STXBP5L: variants seen among roughly 807,000 people sequenced by gnomAD.
STXBP5L encodes the protein syntaxin-binding protein 5-like.
In STXBP5L, 65 loss-of-function variants were observed where a neutral mutation model predicts 144.5. That is an observed-to-expected ratio of 0.45 (90% CI 0.37 to 0.55). The LOEUF is 0.55. STXBP5L is among the 20% of genes least tolerant of loss of function. The pLI, the probability that STXBP5L is intolerant of heterozygous loss-of-function variation, is 0.00. For synonymous variants in STXBP5L, 505 were observed against 469.6 expected, an observed-to-expected ratio of 1.08 and a Z score of -0.97; for missense variants, 1,298 against 1,405.5, an observed-to-expected ratio of 0.92 and a Z score of 1.22.
chr3:121,102,097 T>C (rs183566949), intron 5 of STXBP5L, among the ~76,000 whole-genome samples: 4 of 152,212 alleles, frequency 2.6e-5, no homozygotes, highest in African/African-American at 2.4e-5. Context: ...TTCATGCTTA[T>C]GGATTGGAAG....
chr3:121,133,822 G>C (rs941261830), intron 7 of STXBP5L, among the ~76,000 whole-genome samples: 1 of 152,144 alleles, frequency 6.6e-6, no homozygotes, highest in Admixed American at 6.6e-5. Flanking sequence ...AGGAAGCAAG[G>C]CATGTCTTAC....
intron 20 of STXBP5L, among the ~76,000 whole-genome samples, chr3:121,335,995 G>A (rs1347398902): frequency 6.6e-6 from 1 of 152,058 alleles, no homozygotes; most frequent in East Asian, 1.9e-4. Context: ...CTACAGAATG[G>A]GAGAAAATAT....
intron 16 of STXBP5L, among the ~76,000 whole-genome samples, chr3:121,256,201 G>A (rs962415861): frequency 1.3e-5 from 2 of 151,976 alleles, no homozygotes; most frequent in Admixed American, 6.6e-5. Flanking sequence ...ATTATATAAA[G>A]ACATTATAAT....
intron 3 of STXBP5L, among the ~76,000 whole-genome samples, chr3:121,008,662 C>G (rs1235861803): frequency 2.0e-5 from 3 of 151,996 alleles, no homozygotes; most frequent in Non-Finnish European, 4.4e-5. Flanking sequence ...CCAGCACACT[C>G]TTAGGCTGCT....
intron 5 of STXBP5L, among the ~76,000 whole-genome samples, chr3:121,076,307 G>A (rs1214051015): frequency 6.6e-6 from 1 of 152,190 alleles, no homozygotes; most frequent in East Asian, 1.9e-4. Flanking sequence ...AGCTGGGGCA[G>A]CCTCCTGTCT....
At chr3:121,163,303 C>T (rs182733446) in intron 9 of STXBP5L, among the ~76,000 whole-genome samples, 120 of 152,182 alleles carry the variant, frequency 7.9e-4, no homozygotes, top group Non-Finnish European at 1.3e-3. Flanking sequence ...CCATCATTCT[C>T]AGCAAACTAA....
At chr3:121,171,358 G>A (rs1559820696) in intron 9 of STXBP5L, among the ~76,000 whole-genome samples, 1 of 152,112 alleles carries the variant, frequency 6.6e-6, no homozygotes, top group African/African-American at 2.4e-5. Context: ...TCTGGCCAGG[G>A]CAATCAGGCA....
At chr3:121,235,714 TA>T (rs1278318192) in intron 12 of STXBP5L, among the ~76,000 whole-genome samples, 1 of 152,082 alleles carries the variant, frequency 6.6e-6, no homozygotes, top group African/African-American at 2.4e-5. Context: ...GTCCCTTAAC[TA>T]GACATGAGTT....
chr3:121,360,713 C>T (rs940421055), intron 20 of STXBP5L, among the ~76,000 whole-genome samples: 5 of 152,048 alleles, frequency 3.3e-5, no homozygotes, highest in African/African-American at 7.2e-5. Context: ...TGCTTTTTAA[C>T]TTTTTGTTGT....
At chr3:121,267,598 G>T (rs1053831060) in intron 18 of STXBP5L, among the ~76,000 whole-genome samples, 9 of 152,102 alleles carry the variant, frequency 5.9e-5, no homozygotes, top group Admixed American at 1.3e-4. Context: ...CACAGCAAAA[G>T]AAACTATCAT....
chr3:121,082,824 G>A lies in STXBP5L; in HGVS notation c.471-32101G>A, dbSNP rs995178154. ...ACATTGATTGATTTTTGAATATTGA[G>A]CTAGCCATAAATTTCTGGAATAAGC... On this transcript the variant is annotated intron_variant, in intron 5 of 26. Transcript: ENST00000471454. Among the ~76,000 whole-genome samples the A allele has an allele frequency of 1.1e-4, 17 of 152,118 alleles. No homozygotes were observed. In the East Asian group the frequency reaches 2.9e-3, roughly 26 times the overall value.
At chr3:120,955,071 G>A in intron 3 of STXBP5L, 34 bp downstream of exon 3, 1 of 1,395,018 alleles carries the variant, frequency 7.2e-7, no homozygotes, top group Non-Finnish European at 1.0e-6. Context: ...ATCTGCCACA[G>A]TAATGCCAAT....
At chr3:121,060,674 T>C (rs2041224908) in intron 5 of STXBP5L, among the ~76,000 whole-genome samples, 1 of 152,248 alleles carries the variant, frequency 6.6e-6, no homozygotes, top group Non-Finnish European at 1.5e-5. Flanking sequence ...TATTCAGGGA[T>C]TCGACTTCTT....
intron 20 of STXBP5L, among the ~76,000 whole-genome samples, chr3:121,330,170 T>C (rs1447457051): frequency 6.6e-6 from 1 of 152,136 alleles, no homozygotes; most frequent in East Asian, 1.9e-4. Context: ...GCTTATGGCA[T>C]AGGGCATAAG....
intron 3 of STXBP5L, among the ~76,000 whole-genome samples, chr3:120,969,067 T>C (rs1939935620): frequency 6.6e-6 from 1 of 152,140 alleles, no homozygotes; most frequent in Non-Finnish European, 1.5e-5. Context: ...AGTAGTGGGA[T>C]TGCTAGATCA....
intron 3 of STXBP5L, among the ~76,000 whole-genome samples, chr3:121,015,900 A>G (rs1438595729): frequency 6.6e-6 from 1 of 152,166 alleles, no homozygotes; most frequent in African/African-American, 2.4e-5. Flanking sequence ...CATTATATCA[A>G]GACTGAGATT....
chr3:121,324,279 G>T (rs1167385390), intron 20 of STXBP5L, among the ~76,000 whole-genome samples: 2 of 152,090 alleles, frequency 1.3e-5, no homozygotes, highest in Non-Finnish European at 2.9e-5. Flanking sequence ...GCATTCCTAT[G>T]TGCCTAAAGT....
At chr3:121,316,311 G>C (rs1173469982) in intron 19 of STXBP5L, among the ~76,000 whole-genome samples, 1 of 152,156 alleles carries the variant, frequency 6.6e-6, no homozygotes, top group Non-Finnish European at 1.5e-5. Context: ...AATTCAGAAG[G>C]AGCTAGGGAA....
rs2051164656 is a variant in STXBP5L, at chr3:121,284,456, A to C, written c.2110+4500A>C. Among the ~76,000 whole-genome samples the C allele has an allele frequency of 2.0e-5, 3 of 152,072 alleles. No homozygotes were observed. The South Asian group carries it at 6.2e-4, about 31-fold the overall frequency. On this transcript the variant is annotated intron_variant, in intron 19 of 26. Coordinates refer to ENST00000471454, the MANE Select transcript of STXBP5L (RefSeq NM_001308330.2). Reference sequence around the variant, plus strand: ...TACACAGTACAGGCTTGCCTGAACCATTTAGTTGACATTTAGCCTAGATTC... The same window carrying C: ...TACACAGTACAGGCTTGCCTGAACCCTTTAGTTGACATTTAGCCTAGATTC...
Sources: allele counts gnomAD v4.1 joint callset (sites outside exome capture counted in the v4.1 genomes callset), GRCh38; gene constraint gnomAD v4.1.1; transcripts MANE v1.5; gene names NCBI Gene and HGNC (gene_info 2026-07-23, HGNC 2026-07-21).